GARRE1: variants seen among roughly 807,000 people sequenced by gnomAD.
The protein encoded by GARRE1 is granule associated Rac and RHOG effector protein 1.
In GARRE1, 49 loss-of-function variants were observed where a neutral mutation model predicts 103.2. That is an observed-to-expected ratio of 0.47 (90% confidence interval 0.38 to 0.60). GARRE1 has a LOEUF of 0.60. Ranked by LOEUF, GARRE1 falls within the 20% of genes least tolerant of loss-of-function variation. The pLI is 0.00. For missense variants in GARRE1, 1,199 were observed against 1,370.5 expected (o/e 0.87, Z 1.98); for synonymous variants, 505 against 532.8 (o/e 0.95, Z 0.72).
intron 2 of GARRE1, among the ~76,000 whole-genome samples, chr19:34,302,991 C>T (rs1259332120): frequency 6.6e-6 from 1 of 151,776 alleles, no homozygotes; most frequent in Non-Finnish European, 1.5e-5. Flanking sequence ...GCAATCCACC[C>T]ACCTCATCCT....
Position 34,328,127 on chromosome 19 carries a change from C to T in GARRE1, c.1080C>T (p.Ala360=), listed in dbSNP as rs145863740. The T allele has an allele frequency of 3.2e-4, 510 of 1,613,840 alleles. No individual in the cohort carries two copies. The highest frequency in any genetic ancestry group is 3.5e-4 in the Non-Finnish European group (410 of 1,180,024). The change falls in exon 6 of 14, where the codon GCC becomes GCT. Residue 360 remains alanine (A), a synonymous_variant. Coordinates refer to ENST00000299505, the MANE Select transcript of GARRE1 (RefSeq NM_014686.5). The part of the protein sequence containing the change: ...FLKGVSFNES[A]ADNLKLKTHT... ...AGGGCGTCTCCTTTAATGAGTCGGC[C>T]GCCGACAATCTGAAACTTAAGACGG...
chr19:34,323,239 GC>G (rs1290667835), intron 3 of GARRE1, among the ~76,000 whole-genome samples: 1 of 151,512 alleles, frequency 6.6e-6, no homozygotes, highest in Admixed American at 6.6e-5. Context: ...CACTGTGTTA[GC>G]CAGGATGGTC....
Position 34,319,909 on chromosome 19 carries a change from G to A in GARRE1, c.498G>A (p.Val166=). 1 of 1,614,148 alleles carries A rather than the reference G, an allele frequency of 6.2e-7. No individual in the cohort carries two copies. Among genetic ancestry groups the A allele is most frequent in the Non-Finnish European group, 8.5e-7 (1 of 1,179,954 alleles). The change falls in exon 3 of 14, where the codon GTG becomes GTA. Residue 166 remains valine, a splice_region_variant and synonymous_variant. Transcript: ENST00000299505. ...QKEFSLQDIE[V]LGRCFLTVVQ... Reference sequence around the variant, plus strand: ...CCCTGGCTGTCTTGTTTTCACAGGTGTTGGGGCGATGTTTCCTGACTGTGG... The same window carrying A: ...CCCTGGCTGTCTTGTTTTCACAGGTATTGGGGCGATGTTTCCTGACTGTGG...
At chr19:34,304,102 T>C (rs2073994855) in intron 2 of GARRE1, among the ~76,000 whole-genome samples, 4 of 151,812 alleles carry the variant, frequency 2.6e-5, no homozygotes, top group African/African-American at 9.7e-5. Flanking sequence ...TGTAATTTTT[T>C]TTTTTTTTTA....
At position 34,263,258 on chromosome 19, in the gene GARRE1, C is replaced by T. The variant is rs548065423; in HGVS notation, c.-796+8644C>T. On this transcript the variant is annotated intron_variant, in intron 1 of 13. Transcript: ENST00000299505. ...TAAAATAAATAATGTCTCCCTCTCT[C>T]GATAGAGAGATAGATAGATAGATAG... Among the ~76,000 whole-genome samples the T allele has an allele frequency of 1.7e-4, 19 of 108,632 alleles. No homozygotes were observed. The East Asian group carries it at 2.7e-3, about 15-fold the overall frequency. The allele number at this position is 108,632 out of a possible 152,430, so 71.3% of individuals were successfully genotyped here.
chr19:34,336,767 A>T (rs1012154532), intron 8 of GARRE1, among the ~76,000 whole-genome samples: 7 of 152,276 alleles, frequency 4.6e-5, no homozygotes, highest in African/African-American at 1.2e-4. Flanking sequence ...ACTGCACCCA[A>T]CCCTGAATTC....
At chr19:34,297,600 A>T (rs1470071909) in intron 1 of GARRE1, among the ~76,000 whole-genome samples, 1 of 152,158 alleles carries the variant, frequency 6.6e-6, no homozygotes, top group African/African-American at 2.4e-5. Flanking sequence ...ACTGTGGCCA[A>T]CTCAGGTGAA....
At chr19:34,313,739 A>C (rs2074047421) in intron 2 of GARRE1, among the ~76,000 whole-genome samples, 2 of 152,198 alleles carry the variant, frequency 1.3e-5, no homozygotes, top group Non-Finnish European at 2.9e-5. Flanking sequence ...TATCAGGATA[A>C]CTTAAATATG....
intron 3 of GARRE1, among the ~76,000 whole-genome samples, chr19:34,322,134 C>A (rs2074092225): frequency 1.3e-5 from 2 of 152,160 alleles, no homozygotes; most frequent in Non-Finnish European, 2.9e-5. Flanking sequence ...AAAAACAGCT[C>A]TGAAAAAGTC....
chr19:34,347,329 A>C (rs1177624534), intron 10 of GARRE1, among the ~76,000 whole-genome samples: 2 of 151,898 alleles, frequency 1.3e-5, no homozygotes, highest in Non-Finnish European at 2.9e-5. Context: ...TGACCTCGTG[A>C]TCCACCCACC....
intron 10 of GARRE1, among the ~76,000 whole-genome samples, chr19:34,343,667 T>A (rs2074197317): frequency 1.3e-5 from 2 of 151,708 alleles, no homozygotes; most frequent in African/African-American, 4.8e-5. Context: ...GCCAACATAG[T>A]GAAACCCCCA....
intron 1 of GARRE1, among the ~76,000 whole-genome samples, chr19:34,263,914 C>T (rs559068243): frequency 3.9e-5 from 6 of 152,198 alleles, no homozygotes; most frequent in Non-Finnish European, 7.4e-5. Flanking sequence ...CAAGGCCTGC[C>T]CCTGCCTTGA....
intron 3 of GARRE1, among the ~76,000 whole-genome samples, chr19:34,325,596 C>T (rs78513084): frequency 2.0e-5 from 3 of 152,218 alleles, no homozygotes; most frequent in Non-Finnish European, 2.9e-5. Context: ...CGTCCTTCAT[C>T]GCTACCCTTG....
chr19:34,283,251 G>A (rs2073865762), intron 1 of GARRE1, among the ~76,000 whole-genome samples: 2 of 152,204 alleles, frequency 1.3e-5, no homozygotes, highest in South Asian at 4.1e-4. Flanking sequence ...AATTAATTCA[G>A]GGACTAAATT....
chr19:34,330,520 C>T (rs1463156023), intron 7 of GARRE1, among the ~76,000 whole-genome samples, 173 bp downstream of exon 7: 2 of 152,162 alleles, frequency 1.3e-5, no homozygotes, highest in Non-Finnish European at 2.9e-5. Flanking sequence ...ATTTAAAAAT[C>T]TCTTTAAAAA....
chr19:34,317,171 G>A (rs963714880), intron 2 of GARRE1, among the ~76,000 whole-genome samples: 2 of 152,168 alleles, frequency 1.3e-5, no homozygotes, highest in East Asian at 1.9e-4. Context: ...CTTCCCATCC[G>A]TCTGTGTTCC....
chr19:34,295,117 TG>T (rs1478997939), intron 1 of GARRE1, among the ~76,000 whole-genome samples: 4 of 152,332 alleles, frequency 2.6e-5, no homozygotes, highest in South Asian at 4.1e-4. Flanking sequence ...GGTTAAATAA[TG>T]CCAATTTCCT....
At chr19:34,312,974 T>C (rs35347562) in intron 2 of GARRE1, among the ~76,000 whole-genome samples, 18,845 of 152,106 alleles carry the variant, frequency 0.12, 1,428 homozygotes, top group African/African-American at 0.21. Context: ...CTGATAAATA[T>C]TTTAGCAGTT....
intron 3 of GARRE1, among the ~76,000 whole-genome samples, chr19:34,326,640 T>C (rs1460801107): frequency 6.6e-6 from 1 of 152,166 alleles, no homozygotes; most frequent in African/African-American, 2.4e-5. Flanking sequence ...TATGTATTCA[T>C]GTGGTCTTTT....
Sources: gnomAD v4.1 joint callset for allele counts (sites outside exome capture counted in the v4.1 genomes callset) on GRCh38, gnomAD v4.1.1 for gene constraint, MANE v1.5 for transcripts, NCBI Gene and HGNC (gene_info 2026-07-23, HGNC 2026-07-21) for gene names.